PCDH15: variants seen among roughly 807,000 people sequenced by gnomAD.
PCDH15 encodes the protein protocadherin-15.
Under a neutral mutation model 178.5 loss-of-function variants are expected in PCDH15, and 129 were observed. The ratio of observed to expected loss-of-function variants is 0.72; its 90% CI spans 0.63 to 0.84. The LOEUF (loss-of-function observed/expected upper bound fraction) is 0.84, where lower values mean the gene tolerates loss of function less well. Ranked by LOEUF, PCDH15 falls within the 40% of genes least tolerant of loss-of-function variation. PCDH15 has a pLI of 0.00. For missense variants in PCDH15, 2,230 were observed against 2,099.9 expected, an observed-to-expected ratio of 1.06 and a Z score of -1.21; for synonymous variants, 800 against 732.0, an observed-to-expected ratio of 1.09 and a Z score of -1.50.
intron 2 of PCDH15, among the ~76,000 whole-genome samples, chr10:55,512,699 C>T (rs1426633097): frequency 1.3e-5 from 2 of 152,066 alleles, no homozygotes; most frequent in Non-Finnish European, 2.9e-5. Context: ...TTTCTAGCCA[C>T]AGGGGTCTAG....
At chr10:54,547,184 GT>G (rs2085956150) in intron 2 of PCDH15, among the ~76,000 whole-genome samples, 1 of 152,094 alleles carries the variant, frequency 6.6e-6, no homozygotes, top group Non-Finnish European at 1.5e-5. Flanking sequence ...GTTAATAAGA[GT>G]TTTCAAAGAT....
At chr10:53,884,969 T>C (rs10825149) in intron 26 of PCDH15, among the ~76,000 whole-genome samples, 16,680 of 152,190 alleles carry the variant, frequency 0.11, 2,105 homozygotes, top group African/African-American at 0.3. Flanking sequence ...AGATTATGTG[T>C]CATGCTGTGA....
chr10:54,367,464 T>C (rs893400772), intron 5 of PCDH15, among the ~76,000 whole-genome samples: 1 of 152,022 alleles, frequency 6.6e-6, no homozygotes, highest in African/African-American at 2.4e-5. Flanking sequence ...ATTATAAATT[T>C]CTGAAAGAAG....
intron 2 of PCDH15, among the ~76,000 whole-genome samples, chr10:55,141,109 A>G (rs1487091338): frequency 6.6e-6 from 1 of 151,988 alleles, no homozygotes; most frequent in Non-Finnish European, 1.5e-5. Context: ...AAATTTAGAA[A>G]GCTTTCAGCT....
intron 28 of PCDH15, 56 bp from the exon 29 acceptor site, chr10:53,840,552 A>AAAT: frequency 1.3e-6 from 2 of 1,485,036 alleles, no homozygotes; most frequent in Non-Finnish European, 1.9e-6. Flanking sequence ...TGGGAGTAAA[A>AAAT]AATTACTCTT....
chr10:54,704,421 G>A (rs114618983), intron 1 of PCDH15, among the ~76,000 whole-genome samples: 1 of 151,968 alleles, frequency 6.6e-6, no homozygotes. Flanking sequence ...CTCTGACAAA[G>A]GTCTAATATC....
At chr10:54,089,937 T>G in intron 16 of PCDH15, 47 bp downstream of exon 16, 1 of 1,402,646 alleles carries the variant, frequency 7.1e-7, no homozygotes, top group Non-Finnish European at 1.0e-6. Context: ...TTACTAACAG[T>G]ACGTTGCTGT....
intron 3 of PCDH15, among the ~76,000 whole-genome samples, chr10:54,476,727 T>G (rs1360246532): frequency 3.3e-5 from 5 of 152,232 alleles, no homozygotes; most frequent in African/African-American, 1.2e-4. Context: ...ACCTTCAGAC[T>G]TCTAGAAACC....
chr10:53,942,224 A>C (rs2086126424), intron 23 of PCDH15, among the ~76,000 whole-genome samples: 1 of 152,252 alleles, frequency 6.6e-6, no homozygotes, highest in African/African-American at 2.4e-5. Flanking sequence ...TCATTTTAAA[A>C]TGAAGTGTGT....
intron 15 of PCDH15, among the ~76,000 whole-genome samples, chr10:54,105,339 T>TAC (rs59388031): frequency 2.4e-4 from 33 of 135,030 alleles, no homozygotes; most frequent in South Asian, 2.1e-3. Flanking sequence ...TACATATATA[T>TAC]ACACACACAC....
intron 2 of PCDH15, among the ~76,000 whole-genome samples, chr10:54,558,131 G>A (rs2133309403): frequency 6.6e-6 from 1 of 152,154 alleles, no homozygotes. Context: ...CAGTGGTATT[G>A]ATTTTGATTG....
At chr10:54,012,318 T>C (rs768527001) in intron 20 of PCDH15, among the ~76,000 whole-genome samples, 21 of 152,236 alleles carry the variant, frequency 1.4e-4, no homozygotes, top group Middle Eastern at 3.4e-3. Flanking sequence ...CTACCCCTCA[T>C]TGGCGTCACT....
At chr10:55,400,237 C>T (rs1425604651) in intron 2 of PCDH15, among the ~76,000 whole-genome samples, 1 of 152,092 alleles carries the variant, frequency 6.6e-6, no homozygotes, top group African/African-American at 2.4e-5. Flanking sequence ...AGTCCTCCTA[C>T]AGCTTGCTTT....
chr10:54,080,750 A>G (rs572934532), intron 16 of PCDH15, among the ~76,000 whole-genome samples: 7 of 152,312 alleles, frequency 4.6e-5, no homozygotes, highest in African/African-American at 1.7e-4. Flanking sequence ...CTTCCTGTAC[A>G]TTTTAAAAAT....
At chr10:55,446,322 T>TATAA (rs564959833) in intron 2 of PCDH15, among the ~76,000 whole-genome samples, 45 of 151,746 alleles carry the variant, frequency 3.0e-4, no homozygotes, top group Admixed American at 2.3e-3. Flanking sequence ...TATATATATA[T>TATAA]ATATAAAACA....
chr10:55,570,012 T>C (rs1842375422), intron 2 of PCDH15, among the ~76,000 whole-genome samples: 3 of 152,028 alleles, frequency 2.0e-5, no homozygotes, highest in African/African-American at 7.2e-5. Flanking sequence ...AAAAAGCATA[T>C]TTGTGCCTTA....
chr10:54,146,092 G>A (rs1407522836), intron 14 of PCDH15, among the ~76,000 whole-genome samples: 1 of 151,520 alleles, frequency 6.6e-6, no homozygotes, highest in Non-Finnish European at 1.5e-5. Context: ...AATATTTGTG[G>A]GAACTTAGAC....
chr10:54,470,980 A>G (rs374594430), intron 3 of PCDH15, among the ~76,000 whole-genome samples: 14 of 152,144 alleles, frequency 9.2e-5, no homozygotes, highest in African/African-American at 3.4e-4. Flanking sequence ...AAGGGCATCA[A>G]CACCCCACAC....
intron 13 of PCDH15, among the ~76,000 whole-genome samples, chr10:54,159,413 G>A (rs937306106): frequency 3.3e-5 from 5 of 152,086 alleles, no homozygotes; most frequent in Non-Finnish European, 5.9e-5. Context: ...GACCCATACA[G>A]AAGAAGACAT....
Sources: gnomAD v4.1 joint callset for allele counts (sites outside exome capture counted in the v4.1 genomes callset) on GRCh38, gnomAD v4.1.1 for gene constraint, MANE v1.5 for transcripts, NCBI Gene and HGNC (gene_info 2026-07-23, HGNC 2026-07-21) for gene names.